Variants in RFX1 observed in about 807,000 individuals in gnomAD.
RFX1 encodes the protein regulatory factor X1, also known as MHC class II regulatory factor RFX1.
A neutral mutation model predicts 119.6 loss-of-function variants in RFX1; 42 were observed. The ratio of observed to expected loss-of-function variants is 0.35; its 90% CI spans 0.27 to 0.45. The LOEUF is 0.45. Among genes scored for constraint, RFX1 ranks in the 20% least tolerant of loss-of-function variants. The pLI, the probability that RFX1 is intolerant of heterozygous loss-of-function variation, is 1.00. For synonymous variants in RFX1, 628 were observed against 618.5 expected (o/e 1.02, Z -0.23); for missense variants, 1,118 against 1,368.1 (o/e 0.82, Z 2.88).
intron 1 of RFX1, 41 bp from the exon 2 acceptor site, chr19:13,993,936 C>T: frequency 9.1e-7 from 1 of 1,093,644 alleles, no homozygotes; most frequent in South Asian, 1.6e-5. Context: ...AAAAACAAAA[C>T]AAAACAAAAG....
At chr19:14,001,186 C>T (rs938489712) in intron 1 of RFX1, among the ~76,000 whole-genome samples, 2 of 152,246 alleles carry the variant, frequency 1.3e-5, no homozygotes, top group South Asian at 4.1e-4. Context: ...CTGGCTTCTC[C>T]TCCTTATTCA....
chr19:13,971,753 T>C (rs371528050), intron 9 of RFX1, among the ~76,000 whole-genome samples: 1 of 152,028 alleles, frequency 6.6e-6, no homozygotes, highest in Non-Finnish European at 1.5e-5. Context: ...CTCACGTCTG[T>C]AATCCCAGCA....
chr19:13,976,170 C>T lies in RFX1; in HGVS notation c.929+1822G>A, dbSNP rs574545434. Among the ~76,000 whole-genome samples, 12 of 152,312 alleles carry T rather than the reference C, an allele frequency of 7.9e-5. No homozygotes were observed. The East Asian group carries it at 2.1e-3, about 27-fold the overall frequency. Reference sequence around the variant, plus strand: ...ATGGAACTGTGAGGTAGCCGGACGCCGGGGACCAAGCCTCACGATTTAGAT... The same window carrying T: ...ATGGAACTGTGAGGTAGCCGGACGCTGGGGACCAAGCCTCACGATTTAGAT... On this transcript the variant is annotated intron_variant, in intron 8 of 20. Transcript: ENST00000254325.
intron 9 of RFX1, among the ~76,000 whole-genome samples, chr19:13,972,044 C>T (rs1431740392): frequency 6.6e-6 from 1 of 151,920 alleles, no homozygotes; most frequent in African/African-American, 2.4e-5. Flanking sequence ...TGCGGCATGC[C>T]TGTAGTCCCA....
intron 2 of RFX1, among the ~76,000 whole-genome samples, chr19:13,983,920 G>A (rs901709317): frequency 1.3e-5 from 2 of 152,338 alleles, no homozygotes; most frequent in South Asian, 2.1e-4. Context: ...CCCAGCAGAC[G>A]GGACTTGTGG....
At chr19:13,994,901 T>TAC (rs1291058210) in intron 1 of RFX1, among the ~76,000 whole-genome samples, 3 of 59,018 alleles carry the variant, frequency 5.1e-5, no homozygotes, top group Non-Finnish European at 1.0e-4. Flanking sequence ...TACATATATA[T>TAC]ATATATATAT....
chr19:13,966,549 C>A lies in RFX1; in HGVS notation c.1852-19G>T. On this transcript the variant is annotated intron_variant, in intron 13 of 20. Transcript: ENST00000254325. The surrounding 1 kb of genome is among the most constrained non-coding windows in gnomAD (Gnocchi z 6.3). ...CAATGGCCTGTGGCAGAGGCGGATG[C>A]TCAGGGAGGCTGGGGGGCAGCATGG... The A allele has an allele frequency of 6.5e-7, 1 of 1,545,976 alleles. No homozygotes were observed. The highest frequency in any genetic ancestry group is 2.3e-5 in the East Asian group (1 of 43,368).
chr19:13,969,985 TG>T lies in RFX1; in HGVS notation c.1496+8del. 1 of 1,600,914 alleles carries T rather than the reference TG, an allele frequency of 6.2e-7. No individual in the cohort carries two copies. ...CCAGGGACTGCTGGGAGTAGACGGA[TG>T]GCCCTACCTGGTGCCCAGACGGCGG... On this transcript the variant is annotated splice_region_variant and intron_variant, in intron 10 of 20. Coordinates refer to ENST00000254325, the MANE Select transcript of RFX1 (RefSeq NM_002918.5). This position sits in a 1 kb window ranked among gnomAD's most constrained non-coding sequence, Gnocchi z 4.5.
intron 18 of RFX1, 105 bp from the exon 19 acceptor site, chr19:13,963,380 AGGCT>A: frequency 1.4e-6 from 2 of 1,458,424 alleles, no homozygotes; most frequent in Non-Finnish European, 9.2e-7. Flanking sequence ...CCAGTGACTC[AGGCT>A]GGATCCCGCA....
At position 13,962,490 on chromosome 19, in the gene RFX1, T is replaced by C. The variant is rs1296971849; in HGVS notation, c.*205A>G. On this transcript the variant is annotated 3_prime_UTR_variant, in exon 21 of 21. Transcript: ENST00000254325. ...CGGCGGGTTCCTTAAGGCACGTCTTTTGTGTCAGAGTTTGCAGCTGCGGCT... is the reference window on the plus strand; with the variant it reads ...CGGCGGGTTCCTTAAGGCACGTCTTCTGTGTCAGAGTTTGCAGCTGCGGCT... 3.7e-6 allele frequency: 2 copies of C among 539,708 alleles called. No homozygotes were observed. The highest frequency in any genetic ancestry group is 3.2e-6 in the Non-Finnish European group (1 of 310,596). The allele number at this position is 539,708 out of a possible 1,614,324, so 33.4% of individuals were successfully genotyped here.
At chr19:14,003,649 T>C (rs780987520) in intron 1 of RFX1, among the ~76,000 whole-genome samples, 2 of 152,110 alleles carry the variant, frequency 1.3e-5, no homozygotes, top group Non-Finnish European at 2.9e-5. Flanking sequence ...CTGGGATCCA[T>C]AGCACAGAAA....
chr19:13,993,719 T>C lies in RFX1; in HGVS notation c.125A>G (p.Gln42Arg). ...AGGGGTGGCAGCAGCGGTGGGTGGC[T>C]GCGGGGGCTGGGGTGCCGCTGGGGG... is the stretch of plus-strand genomic sequence containing the variant. ...PPPPAAPQPP[Q>R]PPTAAATPQP... The change falls in exon 2 of 21, where the codon CAG becomes CGG. Residue 42 changes from glutamine to arginine, a missense_variant. By Grantham distance (43) the Gln-to-Arg change is conservative (BLOSUM62 1). Around this residue, in one of 5 missense-constraint regions of RFX1, gnomAD observed 542 missense variants for 602.7 expected, o/e 0.90. Coordinates refer to ENST00000254325, the MANE Select transcript of RFX1 (RefSeq NM_002918.5). 9.4e-7 allele frequency: 1 copy of C among 1,068,636 alleles called. No individual in the cohort carries two copies. 66.2% of individuals were successfully genotyped at this position (1,068,636 alleles called of 1,614,324 possible).
rs1282191687 is a variant in RFX1, at chr19:13,990,672, C to T, written c.319+2853G>A. ...CTCTACTAAAAATACAAAAAATTAG[C>T]CAGGCATGGTGGCGGGCACCTATAG... On this transcript the variant is annotated intron_variant, in intron 2 of 20. Coordinates refer to ENST00000254325, the MANE Select transcript of RFX1 (RefSeq NM_002918.5). This position sits in a 1 kb window ranked among gnomAD's most constrained non-coding sequence, Gnocchi z 4.1. Among the ~76,000 whole-genome samples, 1 of 152,134 alleles carries T rather than the reference C, an allele frequency of 6.6e-6. No homozygotes were observed. The highest frequency in any genetic ancestry group is 1.5e-5 in the Non-Finnish European group (1 of 68,030).
rs777389266 is a variant in RFX1, at chr19:13,968,738, C to T, written c.1616+37G>A. ...GGGGGCCGGCCTGTGTGCCCTTCCC[C>T]GCCTGCCCTGCCCTGGGTCCGGCCC... On this transcript the variant is annotated intron_variant, in intron 11 of 20. Coordinates refer to ENST00000254325, the MANE Select transcript of RFX1 (RefSeq NM_002918.5). This position sits in a 1 kb window ranked among gnomAD's most constrained non-coding sequence, Gnocchi z 5.5. 22 of 1,609,174 alleles carry T rather than the reference C, an allele frequency of 1.4e-5. No homozygotes were observed. Among genetic ancestry groups the T allele is most frequent in the Middle Eastern group, 1.6e-4 (1 of 6,072 alleles).
chr19:13,993,851 G>A lies in RFX1; in HGVS notation c.-8C>T, dbSNP rs747201761. 2.0e-6 allele frequency: 3 copies of A among 1,536,344 alleles called. No homozygotes were observed. In the South Asian group the frequency reaches 3.7e-5, roughly 19 times the overall value. On this transcript the variant is annotated 5_prime_UTR_variant, in exon 2 of 21. Coordinates refer to ENST00000254325, the MANE Select transcript of RFX1 (RefSeq NM_002918.5). ...ATACGCCTGTGTTGCCATGCCAACGGTGGGGAAAATGATAATAAATAAGGC... is the reference window on the plus strand; with the variant it reads ...ATACGCCTGTGTTGCCATGCCAACGATGGGGAAAATGATAATAAATAAGGC...
chr19:13,964,165 T>C, intron 16 of RFX1, 158 bp from the exon 17 acceptor site: 1 of 782,900 alleles, frequency 1.3e-6, no homozygotes, highest in Non-Finnish European at 1.9e-6. Context: ...GATCGGGACC[T>C]TCAAACTTTG....
rs908344550 is a variant in RFX1 at position 13,962,818 on chromosome 19, C to T, written c.2817G>A (p.Gln939=). ...CGCCGCCAGCCGCCAGTGAGATGTCCTGCGGCAGCTCGTCCTCGCTCTCCT... is the reference window on the plus strand; with the variant it reads ...CGCCGCCAGCCGCCAGTGAGATGTCTTGCGGCAGCTCGTCCTCGCTCTCCT... ...EEEESEDELP[Q]DISLAAGGES... Residue 939 remains glutamine, a synonymous_variant, in exon 21 of 21, where the codon CAG becomes CAA. Coordinates refer to ENST00000254325, the MANE Select transcript of RFX1 (RefSeq NM_002918.5). The T allele has an allele frequency of 1.3e-6, 2 of 1,529,664 alleles. No homozygotes were observed. The highest frequency in any genetic ancestry group is 2.4e-5 in the South Asian group (2 of 83,000). The allele number at this position is 1,529,664 out of a possible 1,614,324, so 94.8% of individuals were successfully genotyped here.
chr19:13,978,171 C>T (rs1009875974), intron 7 of RFX1, 85 bp from the exon 8 acceptor site: 3 of 965,298 alleles, frequency 3.1e-6, no homozygotes, highest in South Asian at 2.9e-5. Flanking sequence ...CCCACCCAGG[C>T]TATCCCTGAC....
chr19:13,995,584 C>A (rs954743910), intron 1 of RFX1, among the ~76,000 whole-genome samples: 1 of 152,204 alleles, frequency 6.6e-6, no homozygotes, highest in African/African-American at 2.4e-5. Context: ...AGCGCAGTGG[C>A]TCACGCCTGT....
Sources: allele counts gnomAD v4.1 joint callset (sites outside exome capture counted in the v4.1 genomes callset), GRCh38; gene constraint gnomAD v4.1.1; regional missense constraint gnomAD v4.1.1; non-coding constraint Gnocchi (gnomAD v3.1); transcripts MANE v1.5; gene names NCBI Gene and HGNC (gene_info 2026-07-23, HGNC 2026-07-21).